Variants in EP400 observed in about 807,000 individuals in gnomAD.
EP400 encodes E1A binding protein p400, also known as E1A-binding protein p400.
Under a neutral mutation model 354.1 loss-of-function variants are expected in EP400, and 105 were observed. The observed-to-expected ratio is 0.30, with a 90% CI of 0.25 to 0.35. The LOEUF is 0.35. Ranked by LOEUF, EP400 falls within the 10% of genes least tolerant of loss-of-function variation. The pLI, the probability that EP400 is intolerant of heterozygous loss-of-function variation, is 1.00. For missense variants in EP400, 3,280 were observed against 4,121.0 expected (o/e 0.80, Z 5.59); for synonymous variants, 1,646 against 1,716.9 (o/e 0.96, Z 1.02).
At chr12:131,950,640 T>A (rs1255803941) in intron 1 of EP400, among the ~76,000 whole-genome samples, 1 of 152,180 alleles carries the variant, frequency 6.6e-6, no homozygotes, top group East Asian at 1.9e-4. Flanking sequence ...CGGCGGAGCC[T>A]TAGTAATTGC....
chr12:132,073,934 T>G (rs1215629451), intron 51 of EP400, among the ~76,000 whole-genome samples: 5 of 134,888 alleles, frequency 3.7e-5, no homozygotes, highest in South Asian at 2.5e-4. Context: ...TTTTTTTTTT[T>G]TTTTTTTTTT....
At position 132,053,379 on chromosome 12, in the gene EP400, G is replaced by T; in HGVS notation, c.7510G>T (p.Val2504Leu). The T allele has an allele frequency of 6.4e-7, 1 of 1,567,542 alleles. No individual in the cohort carries two copies. The highest frequency in any genetic ancestry group is 8.6e-7 in the Non-Finnish European group (1 of 1,165,604). ...ADQQKAQQPA[V>L]AQPPPPQPQP... ...TCAGCAGAAGGCACAGCAGCCGGCC[G>T]TGGCCCAGCCACCCCCGCCCCAGCC... is the stretch of plus-strand genomic sequence containing the variant. The change falls in exon 43 of 53, where the codon GTG (valine) becomes TTG (leucine). Residue 2504 changes from valine to leucine, a missense_variant. Val to Leu is a conservative substitution (Grantham distance 32). This residue lies in a region of EP400 where 255 missense variants were observed against 295.9 expected (regional missense o/e 0.86). Transcript: ENST00000389561.
At chr12:131,966,992 T>G (rs1006642495) in intron 2 of EP400, among the ~76,000 whole-genome samples, 1 of 151,742 alleles carries the variant, frequency 6.6e-6, no homozygotes, top group Non-Finnish European at 1.5e-5. Context: ...AAGGATTGCT[T>G]GAGTCCTGGA....
In EP400 at chr12:132,004,219, C is replaced by T. The variant is rs117708178; in HGVS notation, c.2828-858C>T. Among the ~76,000 whole-genome samples the T allele has an allele frequency of 7.1e-3, 1,084 of 152,296 alleles. 35 individuals carry two copies. The South Asian group carries it at 0.094, about 13-fold the overall frequency. The stretch of plus-strand genomic sequence containing the variant: ...CAGCAGCATGTGGGAGTATCTAATT[C>T]ATAATAATTTCCCAGTGTTATGATT... On this transcript the variant is annotated intron_variant, in intron 12 of 52. Transcript: ENST00000389561.
At chr12:131,967,453 C>T (rs187274060) in intron 2 of EP400, among the ~76,000 whole-genome samples, 10 of 151,028 alleles carry the variant, frequency 6.6e-5, no homozygotes, top group African/African-American at 1.7e-4. Context: ...TTTGGGAGGC[C>T]GAGGCTGGCA....
At chr12:132,035,557 A>G (rs145951772) in intron 30 of EP400, among the ~76,000 whole-genome samples, 4,002 of 140,422 alleles carry the variant, frequency 0.028, 141 homozygotes, top group South Asian at 0.1. Flanking sequence ...ATCGTGGAAC[A>G]ACACACCCAG....
chr12:132,037,011 A>G (rs1486181968), intron 30 of EP400, among the ~76,000 whole-genome samples: 1 of 152,134 alleles, frequency 6.6e-6, no homozygotes, highest in Non-Finnish European at 1.5e-5. Flanking sequence ...CATGCTGTTA[A>G]AGTTGTTTAA....
intron 1 of EP400, among the ~76,000 whole-genome samples, chr12:131,951,657 A>G (rs1408648470): frequency 6.6e-6 from 1 of 152,182 alleles, no homozygotes; most frequent in Non-Finnish European, 1.5e-5. Flanking sequence ...GCTGGAGTGC[A>G]GTGGCGCGAT....
At chr12:131,958,506 T>A (rs1891777599) in intron 1 of EP400, among the ~76,000 whole-genome samples, 1 of 152,246 alleles carries the variant, frequency 6.6e-6, no homozygotes. Context: ...ATTTCATATA[T>A]ACATGTATTT....
chr12:132,074,184 CA>C (rs1194790590), intron 51 of EP400, among the ~76,000 whole-genome samples: 2 of 152,236 alleles, frequency 1.3e-5, no homozygotes, highest in African/African-American at 4.8e-5. Flanking sequence ...CTCGGCCTCC[CA>C]AAGTGCTGGG....
rs563599600 is a variant in EP400 at position 132,025,184 on chromosome 12, A to G, written c.4856-462A>G. Among the ~76,000 whole-genome samples the G allele has an allele frequency of 2.4e-4, 36 of 152,290 alleles. No individual in the cohort carries two copies. Among genetic ancestry groups the G allele is most frequent in the African/African-American group, 8.4e-4 (35 of 41,568 alleles). ...TGACCTGGGAAACTATCTTCTCCAG[A>G]GTAAAAGAAGTCAGAAAGATGTAGT... On this transcript the variant is annotated intron_variant, in intron 24 of 52. Transcript: ENST00000389561. The surrounding 1 kb of genome is among the most constrained non-coding windows in gnomAD (Gnocchi z 4.1).
intron 2 of EP400, among the ~76,000 whole-genome samples, chr12:131,965,317 A>G (rs909261121): frequency 1.3e-5 from 2 of 152,124 alleles, no homozygotes; most frequent in East Asian, 3.8e-4. Context: ...AATATCCTGA[A>G]TCTCCTTAAA....
chr12:131,960,670 C>T lies in EP400; in HGVS notation c.51C>T (p.Ser17=). Residue 17 remains serine, a synonymous_variant, in exon 2 of 53, where the codon TCC becomes TCT. Coordinates refer to ENST00000389561, the MANE Select transcript of EP400 (RefSeq NM_015409.5). The part of the protein sequence containing the change: ...PQNVQHQLQR[S]RACPGSEGEE... ...ACGTCCAGCATCAGCTGCAGAGGTCCAGGGCCTGCCCTGGCAGCGAGGGTG... is the reference window on the plus strand; with the variant it reads ...ACGTCCAGCATCAGCTGCAGAGGTCTAGGGCCTGCCCTGGCAGCGAGGGTG... 6.3e-7 allele frequency: 1 copy of T among 1,586,962 alleles called. No individual in the cohort carries two copies. The highest frequency in any genetic ancestry group is 8.6e-7 in the Non-Finnish European group (1 of 1,167,976).
rs1895411605 is a variant in EP400, at chr12:132,054,378, ATACT to A, written c.7729-590_7729-587del. Among the ~76,000 whole-genome samples the A allele has an allele frequency of 6.6e-6, 1 of 152,210 alleles. No homozygotes were observed. Among genetic ancestry groups the A allele is most frequent in the African/African-American group, 2.4e-5 (1 of 41,438 alleles). On this transcript the variant is annotated intron_variant, in intron 43 of 52. Coordinates refer to ENST00000389561, the MANE Select transcript of EP400 (RefSeq NM_015409.5). The surrounding 1 kb of genome is among the most constrained non-coding windows in gnomAD (Gnocchi z 4.0). ...ATTTATTCAAAAGGGATCTTTGTGA[ATACT>A]TACTTGGTGCAAGGTGGGCAAGATG...
chr12:132,006,790 A>C lies in EP400; in HGVS notation c.3217A>C (p.Asn1073His). 1.9e-6 allele frequency: 3 copies of C among 1,614,224 alleles called. No homozygotes were observed. The highest frequency in any genetic ancestry group is 2.5e-6 in the Non-Finnish European group (3 of 1,180,038). ...CTGGCTGGCCAAACTTTACAGGAAG[A>C]ATCTCAATGGCATATTGGCAGATGA... ...LDWLAKLYRK[N>H]LNGILADEAG... The change falls in exon 15 of 53, where the codon AAT becomes CAT. Residue 1073 changes from asparagine (N) to histidine (H), a missense_variant. This residue lies in a region of EP400 where 242 missense variants were observed against 357.9 expected (regional missense o/e 0.68). Transcript: ENST00000389561.
intron 45 of EP400, among the ~76,000 whole-genome samples, chr12:132,057,150 T>G (rs956562064): frequency 6.6e-6 from 1 of 152,226 alleles, no homozygotes; most frequent in Non-Finnish European, 1.5e-5. Context: ...AGCTTCGCAG[T>G]TCTGCTGCTA....
At chr12:131,951,065 A>ATTTTTTTTTTT (rs750396319) in intron 1 of EP400, among the ~76,000 whole-genome samples, 160 of 104,160 alleles carry the variant, frequency 1.5e-3, no homozygotes, top group African/African-American at 1.9e-3. Flanking sequence ...ACGCCTGGCT[A>ATTTTTTTTTTT]TTTTTTTTTT....
At chr12:132,043,596 T>G in intron 33 of EP400, 49 bp from the exon 34 acceptor site, 8 of 1,584,038 alleles carry the variant, frequency 5.1e-6, no homozygotes, top group Non-Finnish European at 6.9e-6. Flanking sequence ...GAACTTGACT[T>G]TTATTAACTT....
intron 7 of EP400, among the ~76,000 whole-genome samples, chr12:131,988,553 C>T (rs1189733407): frequency 6.6e-6 from 1 of 152,196 alleles, no homozygotes; most frequent in Non-Finnish European, 1.5e-5. Context: ...GGCTTCTAGT[C>T]TAGCTTTCTC....
Sources: gnomAD v4.1 joint callset for allele counts (sites outside exome capture counted in the v4.1 genomes callset) on GRCh38, gnomAD v4.1.1 for gene constraint, gnomAD v4.1.1 regional missense constraint, Gnocchi (gnomAD v3.1) non-coding constraint, MANE v1.5 for transcripts, NCBI Gene and HGNC (gene_info 2026-07-23, HGNC 2026-07-21) for gene names.